Variants in RPS6KC1 observed in about 807,000 individuals in gnomAD.
RPS6KC1 encodes the protein inactive ribosomal protein S6 kinase delta-1.
In RPS6KC1, 54 loss-of-function variants were observed where a neutral mutation model predicts 103.8. That is an observed-to-expected ratio of 0.52 (90% CI 0.42 to 0.65). The LOEUF is 0.65. Among genes scored for constraint, RPS6KC1 ranks in the 30% least tolerant of loss-of-function variants. The pLI, the probability that RPS6KC1 is intolerant of heterozygous loss-of-function variation, is 0.00. For synonymous variants in RPS6KC1, 439 were observed against 438.7 expected, an observed-to-expected ratio of 1.00 and a Z score of -0.01; for missense variants, 1,151 against 1,253.8, an observed-to-expected ratio of 0.92 and a Z score of 1.24.
At chr1:213,300,696 TTC>T in the RPS6KC1 span, among the ~76,000 whole-genome samples, 1 of 152,198 alleles carries the variant, frequency 6.6e-6, no homozygotes, top group African/African-American at 2.4e-5. Flanking sequence ...TGCTGGTTGT[TTC>T]TCTTAGGTCA....
At chr1:213,770,398 T>G in the RPS6KC1 span, among the ~76,000 whole-genome samples, 6 of 152,178 alleles carry the variant, frequency 3.9e-5, no homozygotes, top group Non-Finnish European at 8.8e-5. Context: ...ATTTACCCAA[T>G]AGCATACCTA....
intron 3 of RPS6KC1, among the ~76,000 whole-genome samples, chr1:213,094,243 T>G (rs548747199): frequency 6.6e-6 from 1 of 152,182 alleles, no homozygotes; most frequent in Non-Finnish European, 1.5e-5. Context: ...AATGCAGACA[T>G]CATGATATTT....
At chr1:213,164,719 C>T (rs958975955) in intron 6 of RPS6KC1, among the ~76,000 whole-genome samples, 2 of 151,956 alleles carry the variant, frequency 1.3e-5, no homozygotes, top group Admixed American at 6.5e-5. Flanking sequence ...CGCACCAACA[C>T]GCCTGGCTGA....
At chr1:213,704,482 A>G in the RPS6KC1 span, among the ~76,000 whole-genome samples, 2 of 150,138 alleles carry the variant, frequency 1.3e-5, no homozygotes, top group Non-Finnish European at 3.0e-5. Flanking sequence ...CTTTTAAAGT[A>G]TTTCAATCTC....
At chr1:213,476,950 A>G in the RPS6KC1 span, among the ~76,000 whole-genome samples, 2 of 152,240 alleles carry the variant, frequency 1.3e-5, no homozygotes, top group Non-Finnish European at 2.9e-5. Flanking sequence ...GCCATTCTCA[A>G]TTCAACTCCA....
chr1:213,861,437 G>T, the RPS6KC1 span, among the ~76,000 whole-genome samples: 1 of 152,138 alleles, frequency 6.6e-6, no homozygotes, highest in African/African-American at 2.4e-5. Context: ...ATAACAGCGT[G>T]GACGTGGATG....
the RPS6KC1 span, among the ~76,000 whole-genome samples, chr1:213,806,910 G>T: frequency 6.6e-6 from 1 of 151,902 alleles, no homozygotes; most frequent in Admixed American, 6.5e-5. Context: ...TTTTGCAGTG[G>T]CTGGTACCGG....
chr1:213,259,751 T>C (rs1258894631), intron 12 of RPS6KC1, among the ~76,000 whole-genome samples: 2 of 147,724 alleles, frequency 1.4e-5, no homozygotes, highest in African/African-American at 4.9e-5. Flanking sequence ...TTTTTTTTTT[T>C]TTTTGAGTTG....
At chr1:213,716,181 G>A in the RPS6KC1 span, among the ~76,000 whole-genome samples, 1 of 152,096 alleles carries the variant, frequency 6.6e-6, no homozygotes, top group Admixed American at 6.5e-5. Flanking sequence ...CTCAAATGTG[G>A]ATGCTCTGTG....
At chr1:213,730,903 A>G in the RPS6KC1 span, among the ~76,000 whole-genome samples, 7 of 152,116 alleles carry the variant, frequency 4.6e-5, no homozygotes, top group African/African-American at 9.7e-5. Flanking sequence ...TTGTAGTTCT[A>G]GGTTTTACAT....
chr1:213,641,109 T>A, the RPS6KC1 span, among the ~76,000 whole-genome samples: 11 of 151,066 alleles, frequency 7.3e-5, no homozygotes, highest in African/African-American at 2.7e-4. Context: ...GATTTTTTTT[T>A]AAACCTGACA....
Position 213,211,496 on chromosome 1 carries a change from A to G in RPS6KC1, c.1045-19001A>G, listed in dbSNP as rs1053781560. Among the ~76,000 whole-genome samples the G allele has an allele frequency of 3.3e-5, 5 of 152,190 alleles. No homozygotes were observed. In the South Asian group the frequency reaches 1.0e-3, roughly 32 times the overall value. On this transcript the variant is annotated intron_variant, in intron 8 of 14. Transcript: ENST00000366960. ...TTTAAACCCAATTTCTCTGTCTTTTATATTCTGCCTTCTGCTATATTTATA... is the reference window on the plus strand; with the variant it reads ...TTTAAACCCAATTTCTCTGTCTTTTGTATTCTGCCTTCTGCTATATTTATA...
At chr1:213,698,181 A>G in the RPS6KC1 span, among the ~76,000 whole-genome samples, 2 of 152,210 alleles carry the variant, frequency 1.3e-5, no homozygotes, top group East Asian at 3.8e-4. Flanking sequence ...ATTGAGGACT[A>G]TCTGTAATTC....
chr1:213,436,048 A>G, the RPS6KC1 span, among the ~76,000 whole-genome samples: 11 of 152,146 alleles, frequency 7.2e-5, no homozygotes, highest in African/African-American at 2.7e-4. Flanking sequence ...AGGGGTCGCT[A>G]TTCTTTGTTG....
the RPS6KC1 span, among the ~76,000 whole-genome samples, chr1:213,763,129 G>T: frequency 3.3e-5 from 5 of 152,132 alleles, no homozygotes; most frequent in Non-Finnish European, 7.4e-5. Flanking sequence ...AAAGTTCTGG[G>T]ATTATAGGTG....
intron 6 of RPS6KC1, among the ~76,000 whole-genome samples, chr1:213,167,502 A>G (rs1186552896): frequency 7.1e-6 from 1 of 140,866 alleles, no homozygotes; most frequent in East Asian, 2.2e-4. Context: ...CAGCTGTTGC[A>G]TTTGGTCCTA....
At chr1:213,096,140 A>G (rs1006935979) in intron 3 of RPS6KC1, among the ~76,000 whole-genome samples, 4 of 152,212 alleles carry the variant, frequency 2.6e-5, no homozygotes, top group African/African-American at 9.6e-5. Flanking sequence ...CTTTGTTGTC[A>G]TTTCAACAGT....
chr1:213,161,892 T>C (rs1169453530), intron 6 of RPS6KC1, among the ~76,000 whole-genome samples: 1 of 152,200 alleles, frequency 6.6e-6, no homozygotes, highest in Non-Finnish European at 1.5e-5. Context: ...ATTATTGGAC[T>C]CTAGATTCTT....
chr1:213,339,680 C>T, the RPS6KC1 span, among the ~76,000 whole-genome samples: 24 of 152,192 alleles, frequency 1.6e-4, no homozygotes, highest in Non-Finnish European at 1.5e-4. Flanking sequence ...GACAAGCAAT[C>T]GTTATCGTGC....
Sources: gnomAD v4.1 joint callset for allele counts (sites outside exome capture counted in the v4.1 genomes callset) on GRCh38, gnomAD v4.1.1 for gene constraint, MANE v1.5 for transcripts, NCBI Gene and HGNC (gene_info 2026-07-23, HGNC 2026-07-21) for gene names.